IMMP2L: variants seen among roughly 807,000 people sequenced by gnomAD.
IMMP2L encodes the protein mitochondrial inner membrane protease subunit 2.
IMMP2L carries 18 observed loss-of-function variants against 19.3 expected under a neutral mutation model. That is an observed-to-expected ratio of 0.93 (90% CI 0.64 to 1.38). IMMP2L has a LOEUF of 1.38. IMMP2L is among the 40% of genes most tolerant of loss of function. The pLI is 0.00. For synonymous variants in IMMP2L, 76 were observed against 73.0 expected (o/e 1.04, Z -0.21); for missense variants, 233 against 218.2 (o/e 1.07, Z -0.43).
intron 3 of IMMP2L, among the ~76,000 whole-genome samples, chr7:111,417,462 T>C (rs1835061577): frequency 6.6e-6 from 1 of 151,792 alleles, no homozygotes; most frequent in Admixed American, 6.6e-5. Flanking sequence ...GTAATTAGTT[T>C]ACCATCTGTT....
At chr7:110,823,739 G>A (rs1369901462) in intron 5 of IMMP2L, among the ~76,000 whole-genome samples, 3 of 152,074 alleles carry the variant, frequency 2.0e-5, no homozygotes, top group African/African-American at 7.2e-5. Context: ...AAGGTGAAAA[G>A]TGAATGCTAT....
rs1359865895 is a variant in IMMP2L, at chr7:111,412,384, TTAAC to T, written c.239+74850_239+74853del. 1.3e-5 allele frequency among the ~76,000 whole-genome samples: 2 copies of T among 151,472 alleles called. 1 individual carries two copies. Among genetic ancestry groups the T allele is most frequent in the African/African-American group, 4.9e-5 (2 of 40,982 alleles). ...TAATTTGCTAATGCACGTAAAAAAA[TTAAC>T]TAAAATAGGGCATATTCCAGGCCTT... On this transcript the variant is annotated intron_variant, in intron 3 of 5. Coordinates refer to ENST00000405709, the MANE Select transcript of IMMP2L (RefSeq NM_032549.4).
rs368072592 is a variant in IMMP2L, at chr7:111,255,220, TATCATA to T, written c.239+232012_239+232017del. On this transcript the variant is annotated intron_variant, in intron 3 of 5. Coordinates refer to ENST00000405709, the MANE Select transcript of IMMP2L (RefSeq NM_032549.4). Reference sequence around the variant, plus strand: ...TATCTCTTCTAAGAATGACTGCAAATATCATAATTAAAGAAAACTAACAAACTTGAA... The same window carrying T: ...TATCTCTTCTAAGAATGACTGCAAATATTAAAGAAAACTAACAAACTTGAA... Among the ~76,000 whole-genome samples, 402 of 152,210 alleles carry T rather than the reference TATCATA, an allele frequency of 2.6e-3. 4 individuals carry two copies. The highest frequency in any genetic ancestry group is 9.5e-3 in the African/African-American group (394 of 41,554).
intron 5 of IMMP2L, among the ~76,000 whole-genome samples, chr7:110,781,051 C>T (rs1198885458): frequency 6.6e-6 from 1 of 151,858 alleles, no homozygotes; most frequent in Non-Finnish European, 1.5e-5. Flanking sequence ...CATTTGTTAA[C>T]CTTGAAACAT....
At chr7:111,048,632 C>T (rs953345189) in intron 3 of IMMP2L, among the ~76,000 whole-genome samples, 1 of 152,074 alleles carries the variant, frequency 6.6e-6, no homozygotes, top group Non-Finnish European at 1.5e-5. Context: ...AATAAGTCAA[C>T]AAGCAAAATA....
At chr7:111,272,872 A>C (rs1328335129) in intron 3 of IMMP2L, among the ~76,000 whole-genome samples, 2 of 152,206 alleles carry the variant, frequency 1.3e-5, no homozygotes, top group African/African-American at 4.8e-5. Flanking sequence ...ATTATAATAC[A>C]GAAGTACATA....
intron 3 of IMMP2L, among the ~76,000 whole-genome samples, chr7:111,157,169 G>T (rs1804730898): frequency 6.6e-6 from 1 of 152,008 alleles, no homozygotes; most frequent in African/African-American, 2.4e-5. Context: ...CAGTTTGGAG[G>T]CTCCTCATAA....
At chr7:111,057,966 T>C (rs575381501) in intron 3 of IMMP2L, among the ~76,000 whole-genome samples, 26 of 152,346 alleles carry the variant, frequency 1.7e-4, no homozygotes, top group Middle Eastern at 3.4e-3. Flanking sequence ...CTGTATTATA[T>C]GTATTAAATG....
chr7:111,450,973 T>C (rs942387815), intron 3 of IMMP2L, among the ~76,000 whole-genome samples: 1 of 151,564 alleles, frequency 6.6e-6, no homozygotes, highest in Non-Finnish European at 1.5e-5. Flanking sequence ...TCATCATCAC[T>C]GGCCATCAGA....
chr7:111,123,048 A>G lies in IMMP2L; in HGVS notation c.240-159483T>C. 6.2e-7 allele frequency: 1 copy of G among 1,613,922 alleles called. No individual in the cohort carries two copies. Among genetic ancestry groups the G allele is most frequent in the Non-Finnish European group, 8.5e-7 (1 of 1,179,950 alleles). On this transcript the variant is annotated intron_variant, in intron 3 of 5. Coordinates refer to ENST00000405709, the MANE Select transcript of IMMP2L (RefSeq NM_032549.4). This position sits in a 1 kb window ranked among gnomAD's most constrained non-coding sequence, Gnocchi z 6.4. ...TTGAATACTCCACAGACTTTCCAGTAAACCTTACTGGCCTGGATTTATCTC... is the reference window on the plus strand; with the variant it reads ...TTGAATACTCCACAGACTTTCCAGTGAACCTTACTGGCCTGGATTTATCTC...
chr7:111,269,968 A>G (rs1278009843), intron 3 of IMMP2L, among the ~76,000 whole-genome samples: 2 of 151,986 alleles, frequency 1.3e-5, no homozygotes. Flanking sequence ...CAGGGCAGGC[A>G]TCACTCTTTG....
At chr7:111,520,593 T>C (rs372679299) in intron 2 of IMMP2L, among the ~76,000 whole-genome samples, 1 of 152,246 alleles carries the variant, frequency 6.6e-6, no homozygotes, top group African/African-American at 2.4e-5. Context: ...TTCATTTTAG[T>C]TATTTGTTTT....
At chr7:111,320,559 A>G (rs527771223) in intron 3 of IMMP2L, among the ~76,000 whole-genome samples, 17 of 152,110 alleles carry the variant, frequency 1.1e-4, no homozygotes, top group African/African-American at 4.1e-4. Context: ...ACTCTTTAAC[A>G]CTGTTTACAA....
chr7:111,427,119 C>T (rs953787074), intron 3 of IMMP2L, among the ~76,000 whole-genome samples: 3 of 145,424 alleles, frequency 2.1e-5, no homozygotes, highest in East Asian at 1.9e-4. Flanking sequence ...TTACGGAGTT[C>T]GCTAGCGAAG....
chr7:111,032,768 G>A (rs755299953), intron 3 of IMMP2L, among the ~76,000 whole-genome samples: 2 of 152,104 alleles, frequency 1.3e-5, no homozygotes, highest in Non-Finnish European at 2.9e-5. Context: ...GCTGCAGTGA[G>A]CCAAGATTGC....
intron 3 of IMMP2L, among the ~76,000 whole-genome samples, chr7:111,405,813 A>C (rs906360489): frequency 6.6e-6 from 1 of 152,126 alleles, no homozygotes; most frequent in Non-Finnish European, 1.5e-5. Flanking sequence ...GACCAAATGT[A>C]GCTTACCACC....
chr7:110,935,998 G>C (rs1816065723), intron 4 of IMMP2L, among the ~76,000 whole-genome samples: 2 of 152,142 alleles, frequency 1.3e-5, no homozygotes, highest in South Asian at 4.1e-4. Flanking sequence ...CTAGCCATAT[G>C]CAGAAAACTG....
intron 4 of IMMP2L, among the ~76,000 whole-genome samples, chr7:110,928,351 G>GCACACACACACACA (rs58639346): frequency 2.6e-5 from 3 of 117,106 alleles, no homozygotes; most frequent in Non-Finnish European, 5.3e-5. Context: ...ATATGTACCT[G>GCACACACACACACA]CACACACACA....
At chr7:111,448,069 T>C (rs1372913146) in intron 3 of IMMP2L, among the ~76,000 whole-genome samples, 2 of 143,848 alleles carry the variant, frequency 1.4e-5, no homozygotes, top group East Asian at 3.9e-4. Flanking sequence ...AAGTCGTGAG[T>C]GACCTACAAA....
Sources: allele counts gnomAD v4.1 joint callset (sites outside exome capture counted in the v4.1 genomes callset), GRCh38; gene constraint gnomAD v4.1.1; non-coding constraint Gnocchi (gnomAD v3.1); transcripts MANE v1.5; gene names NCBI Gene and HGNC (gene_info 2026-07-23, HGNC 2026-07-21).